The following RASGRF1 variants were observed in gnomAD, a reference collection of about 807,000 sequenced individuals.
The protein encoded by RASGRF1 is Ras protein specific guanine nucleotide releasing factor 1.
RASGRF1 carries 40 observed loss-of-function variants against 138.7 expected under a neutral mutation model. The observed-to-expected ratio is 0.29, with a 90% CI of 0.22 to 0.38. The LOEUF is 0.38. Among genes scored for constraint, RASGRF1 ranks in the 10% least tolerant of loss-of-function variants. The pLI, the probability that RASGRF1 is intolerant of heterozygous loss-of-function variation, is 1.00. For synonymous variants in RASGRF1, 614 were observed against 663.2 expected (o/e 0.93, Z 1.14); for missense variants, 1,108 against 1,650.4 (o/e 0.67, Z 5.69).
At chr15:78,967,386 A>G (rs2055664638) in intron 26 of RASGRF1, among the ~76,000 whole-genome samples, 1 of 152,106 alleles carries the variant, frequency 6.6e-6, no homozygotes, top group South Asian at 2.1e-4. Flanking sequence ...TTTCTACAAA[A>G]AATATAAAAG....
At chr15:79,066,029 T>G (rs2057676070) in intron 1 of RASGRF1, among the ~76,000 whole-genome samples, 1 of 151,784 alleles carries the variant, frequency 6.6e-6, no homozygotes, top group Admixed American at 6.6e-5. Context: ...GGCTATAGAA[T>G]GAAATGTCAG....
chr15:78,980,559 T>C lies in RASGRF1; in HGVS notation c.3494+61A>G, dbSNP rs116005201. 2,344 of 1,383,700 alleles carry C rather than the reference T, an allele frequency of 1.7e-3. 31 individuals carry two copies. In the African/African-American group the frequency reaches 0.029, roughly 17 times the overall value. The allele number at this position is 1,383,700 out of a possible 1,614,324, so 85.7% of individuals were successfully genotyped here. A position where few individuals can be genotyped will look rare whatever the true frequency, so the allele number is the denominator to read the frequency against. On this transcript the variant is annotated intron_variant, in intron 24 of 26. Transcript: ENST00000558480. ...GCTCTGGCTGGGGGCGGCACGTGAA[T>C]GCCTCTGCAATGCAGGTCTATGATT...
At chr15:78,991,882 G>C (rs959640274) in intron 20 of RASGRF1, 88 bp from the exon 21 acceptor site, 1 of 1,054,810 alleles carries the variant, frequency 9.5e-7, no homozygotes, top group Non-Finnish European at 1.5e-6. Context: ...GGGGTATCTC[G>C]CCCTCGAATT....
intron 8 of RASGRF1, among the ~76,000 whole-genome samples, chr15:79,029,265 A>T (rs1369285302): frequency 6.6e-6 from 1 of 152,012 alleles, no homozygotes; most frequent in Non-Finnish European, 1.5e-5. Context: ...TTGATGTTTG[A>T]GAGGGAGGCA....
At chr15:78,963,628 T>A (rs899056426) in intron 26 of RASGRF1, among the ~76,000 whole-genome samples, 3 of 152,122 alleles carry the variant, frequency 2.0e-5, no homozygotes, top group African/African-American at 7.2e-5. Flanking sequence ...TGTTTGGGAA[T>A]CTTTTGGTAG....
intron 11 of RASGRF1, among the ~76,000 whole-genome samples, chr15:79,019,724 A>G (rs1038191197): frequency 2.0e-5 from 3 of 152,200 alleles, no homozygotes; most frequent in African/African-American, 7.2e-5. Context: ...AACAGTGCCA[A>G]CTGGTCCAGC....
chr15:79,011,076 C>G (rs999618240), intron 13 of RASGRF1, among the ~76,000 whole-genome samples: 1 of 152,166 alleles, frequency 6.6e-6, no homozygotes, highest in African/African-American at 2.4e-5. Flanking sequence ...CCTATCACCC[C>G]TGCACCTTTC....
chr15:79,050,731 C>T lies in RASGRF1; in HGVS notation c.532-1143G>A, dbSNP rs1408619635. ...CCTTAAGCTGCACTGTGGCCAGGGG[C>T]CTCTGGGACTCATCCCATAGACAGG... On this transcript the variant is annotated intron_variant, in intron 3 of 26. Transcript: ENST00000558480. The surrounding 1 kb of genome is among the most constrained non-coding windows in gnomAD (Gnocchi z 4.1). 6.6e-6 allele frequency among the ~76,000 whole-genome samples: 1 copy of T among 152,214 alleles called. No homozygotes were observed. The highest frequency in any genetic ancestry group is 1.5e-5 in the Non-Finnish European group (1 of 68,036).
chr15:79,025,734 C>T (rs189668488), intron 9 of RASGRF1, among the ~76,000 whole-genome samples: 4 of 152,194 alleles, frequency 2.6e-5, no homozygotes, highest in African/African-American at 9.6e-5. Context: ...AGCAAAGGAA[C>T]CCCAAAGGGC....
At chr15:79,033,891 A>C (rs1039042847) in intron 6 of RASGRF1, among the ~76,000 whole-genome samples, 5 of 152,192 alleles carry the variant, frequency 3.3e-5, no homozygotes, top group African/African-American at 1.2e-4. Flanking sequence ...TGCTCGGCCA[A>C]AACATCTTCT....
chr15:79,039,163 T>G (rs1020070674), intron 5 of RASGRF1, among the ~76,000 whole-genome samples: 6 of 151,702 alleles, frequency 4.0e-5, no homozygotes, highest in Non-Finnish European at 8.8e-5. Context: ...TAGCCAGGAA[T>G]GGTGGTGCAC....
At position 79,015,017 on chromosome 15, in the gene RASGRF1, C is replaced by T. The variant is rs144108427; in HGVS notation, c.1826+310G>A. Among the ~76,000 whole-genome samples the T allele has an allele frequency of 2.2e-4, 33 of 151,744 alleles. No homozygotes were observed. The East Asian group carries it at 2.5e-3, about 12-fold the overall frequency. On this transcript the variant is annotated intron_variant, in intron 13 of 26. Coordinates refer to ENST00000558480, the MANE Select transcript of RASGRF1 (RefSeq NM_001145648.3). ...GGTTCAGTGTATACTGCTGGGGTGA[C>T]GGGTGCACCAAAATCTCACAAACCA...
intron 1 of RASGRF1, among the ~76,000 whole-genome samples, chr15:79,069,063 C>T (rs1190758651): frequency 6.6e-6 from 1 of 152,190 alleles, no homozygotes; most frequent in Non-Finnish European, 1.5e-5. Flanking sequence ...CCTGAGGCCC[C>T]TCCTTCCTTG....
At chr15:78,970,268 C>G (rs113073012) in intron 26 of RASGRF1, among the ~76,000 whole-genome samples, 18,314 of 152,036 alleles carry the variant, frequency 0.12, 1,498 homozygotes, top group Non-Finnish European at 0.17. Flanking sequence ...TGCCTGTAAT[C>G]TCAACACTTT....
chr15:79,054,470 TTC>T (rs2057483659), intron 3 of RASGRF1, among the ~76,000 whole-genome samples: 1 of 152,226 alleles, frequency 6.6e-6, no homozygotes, highest in Admixed American at 6.5e-5. Context: ...GATACTCTGG[TTC>T]TCTCTCTTCT....
In RASGRF1 at chr15:79,015,393, C is replaced by T. The variant is rs774275586; in HGVS notation, c.1760G>A (p.Arg587Gln). The T allele has an allele frequency of 5.0e-6, 8 of 1,613,686 alleles. No homozygotes were observed. Among genetic ancestry groups the T allele is most frequent in the East Asian group, 2.2e-5 (1 of 44,896 alleles). Reference sequence around the variant, plus strand: ...TGCGTTCATCATGAGCCCATTGCATCGGATGTTATCCACACACTGGAATCA... The same window carrying T: ...TGCGTTCATCATGAGCCCATTGCATTGGATGTTATCCACACACTGGAATCA... ...SDISQCVDNI[R>Q]CNGLMMNAFE... is the part of the protein sequence containing the mutation. Residue 587 changes from arginine to glutamine, a missense_variant, in exon 13 of 27, where the codon CGA (arginine) becomes CAA (glutamine). Transcript: ENST00000558480.
intron 24 of RASGRF1, among the ~76,000 whole-genome samples, chr15:78,977,376 G>A (rs1048987965): frequency 6.6e-6 from 1 of 152,142 alleles, no homozygotes; most frequent in African/African-American, 2.4e-5. Context: ...CTGGGGCCAG[G>A]GTCCAAGGTT....
At chr15:78,988,844 T>TTG (rs2056214793) in intron 22 of RASGRF1, among the ~76,000 whole-genome samples, 1 of 147,972 alleles carries the variant, frequency 6.8e-6, no homozygotes, top group African/African-American at 2.5e-5. Context: ...AGGGAGTTTT[T>TTG]TTTTTTTTTT....
In RASGRF1 at chr15:79,032,058, G is replaced by T; in HGVS notation, c.1152+65C>A. The T allele has an allele frequency of 1.3e-6, 2 of 1,532,966 alleles. No individual in the cohort carries two copies. The highest frequency in any genetic ancestry group is 1.4e-5 in the African/African-American group (1 of 73,406). 95.0% of individuals were successfully genotyped at this position (1,532,966 alleles called of 1,614,324 possible). ...GTGCGTTAAGCACTGTGCCCCCACC[G>T]CCATGGTCCATCCCCCACACCTGCC... On this transcript the variant is annotated intron_variant, in intron 7 of 26. Coordinates refer to ENST00000558480, the MANE Select transcript of RASGRF1 (RefSeq NM_001145648.3). This position sits in a 1 kb window ranked among gnomAD's most constrained non-coding sequence, Gnocchi z 4.5.
Sources: allele counts gnomAD v4.1 joint callset (sites outside exome capture counted in the v4.1 genomes callset), GRCh38; gene constraint gnomAD v4.1.1; non-coding constraint Gnocchi (gnomAD v3.1); transcripts MANE v1.5; gene names NCBI Gene and HGNC (gene_info 2026-07-23, HGNC 2026-07-21).